The following ZFP90 variants were observed in gnomAD, a reference collection of about 807,000 sequenced individuals.
ZFP90 encodes ZFP90 zinc finger protein, also known as zinc finger protein 90 homolog.
Under a neutral mutation model 60.8 loss-of-function variants are expected in ZFP90, and 38 were observed. The ratio of observed to expected loss-of-function variants is 0.62; its 90% confidence interval spans 0.48 to 0.82. The LOEUF (loss-of-function observed/expected upper bound fraction) is 0.82. Ranked by LOEUF, ZFP90 falls within the 40% of genes least tolerant of loss-of-function variation. The pLI is 0.00. For missense variants in ZFP90, 711 were observed against 759.1 expected, an observed-to-expected ratio of 0.94 and a Z score of 0.74; for synonymous variants, 287 against 264.8, an observed-to-expected ratio of 1.08 and a Z score of -0.82.
intron 2 of ZFP90, chr16:68,557,367 C>A (rs1313571341): frequency 5.7e-5 from 25 of 437,220 alleles, no homozygotes; most frequent in South Asian, 4.1e-4. Flanking sequence ...TCAGTGGGTA[C>A]CTGTGATACA....
intron 4 of ZFP90, among the ~76,000 whole-genome samples, chr16:68,559,197 T>C (rs1463574566): frequency 6.6e-6 from 1 of 152,170 alleles, no homozygotes; most frequent in Non-Finnish European, 1.5e-5. Flanking sequence ...GATTACCTCC[T>C]TAACAGAGTA....
Position 68,565,628 on chromosome 16 carries a change from G to A in ZFP90, c.*930G>A, listed in dbSNP as rs1819237397. ...AAGTCCCCTTATTGTACTTTTTATG[G>A]CATGCCCATGAAAAAGCACTTTCTT... is the stretch of plus-strand genomic sequence containing the variant. On this transcript the variant is annotated 3_prime_UTR_variant, in exon 5 of 5. Transcript: ENST00000563169. 4 of 985,408 alleles carry A rather than the reference G, an allele frequency of 4.1e-6. No homozygotes were observed. The highest frequency in any genetic ancestry group is 3.5e-5 in the African/African-American group (2 of 57,296). 61.0% of individuals were successfully genotyped at this position (985,408 alleles called of 1,614,324 possible).
rs1289550431 is a variant in ZFP90, at chr16:68,564,907, A to G, written c.*209A>G. On this transcript the variant is annotated 3_prime_UTR_variant, in exon 5 of 5. Coordinates refer to ENST00000563169, the MANE Select transcript of ZFP90 (RefSeq NM_001305203.2). ...TACAGACTAGTGTAAAAACAGCTAC[A>G]TGTATGTAGCTGGTTGGGGATGATA... 3.3e-5 allele frequency: 44 copies of G among 1,327,940 alleles called. 1 individual carries two copies. In the South Asian group the frequency reaches 6.1e-4, roughly 18 times the overall value. The allele number at this position is 1,327,940 out of a possible 1,614,324, so 82.3% of individuals were successfully genotyped here.
intron 2 of ZFP90, among the ~76,000 whole-genome samples, chr16:68,546,905 C>G (rs981195205): frequency 2.0e-5 from 3 of 152,210 alleles, no homozygotes; most frequent in African/African-American, 7.2e-5. Context: ...TCAGAACTTT[C>G]TTTTAAAGGC....
chr16:68,542,185 A>G (rs1009736953), intron 2 of ZFP90, among the ~76,000 whole-genome samples: 1 of 152,186 alleles, frequency 6.6e-6, no homozygotes, highest in Non-Finnish European at 1.5e-5. Flanking sequence ...GTAGAGCGCA[A>G]GAGAGCTGGT....
rs34979386 is a variant in ZFP90 at position 68,564,841 on chromosome 16, A to ATT, written c.*154_*155dup. On this transcript the variant is annotated 3_prime_UTR_variant, in exon 5 of 5. Coordinates refer to ENST00000563169, the MANE Select transcript of ZFP90 (RefSeq NM_001305203.2). ...TGTGGAGAAAACTGCCAGTAGACAG[A>ATT]TTTTTTTTTTTTAACATAAAGACAC... 0.19 allele frequency: 224,094 copies of ATT among 1,163,184 alleles called. 46 individuals are homozygous for ATT. Among genetic ancestry groups the ATT allele is most frequent in the East Asian group, 0.24 (7,895 of 33,380 alleles). 72.1% of individuals were successfully genotyped at this position (1,163,184 alleles called of 1,614,324 possible).
At position 68,564,072 on chromosome 16, in the gene ZFP90, A is replaced by T. The variant is rs772259070; in HGVS notation, c.1285A>T (p.Ile429Leu). 5 of 1,614,170 alleles carry T rather than the reference A, an allele frequency of 3.1e-6. No homozygotes were observed. The highest frequency in any genetic ancestry group is 4.2e-6 in the Non-Finnish European group (5 of 1,180,026). ...ACCTTACCAAAGCAGTAACTACAGC[A>T]TAGATTTCAAGCACAGCACATCTCT... is the stretch of plus-strand genomic sequence containing the variant. ...GKPYQSSNYSIDFKHSTSLTQ... is the reference protein window; with the variant it reads ...GKPYQSSNYSLDFKHSTSLTQ... Residue 429 changes from isoleucine to leucine, a missense_variant, in exon 5 of 5, where the codon ATA (isoleucine) becomes TTA (leucine). Coordinates refer to ENST00000563169, the MANE Select transcript of ZFP90 (RefSeq NM_001305203.2).
intron 2 of ZFP90, among the ~76,000 whole-genome samples, chr16:68,544,427 A>AC (rs1354854262): frequency 2.6e-5 from 4 of 152,176 alleles, no homozygotes; most frequent in Admixed American, 6.5e-5. Flanking sequence ...AAACAAACAA[A>AC]AAAACAGAAA....
chr16:68,555,777 C>T (rs1183209808), intron 2 of ZFP90, among the ~76,000 whole-genome samples: 1 of 152,066 alleles, frequency 6.6e-6, no homozygotes, highest in Non-Finnish European at 1.5e-5. Context: ...TAACTGGCAC[C>T]TGAAGTATGA....
chr16:68,560,785 A>G (rs140830521), intron 4 of ZFP90, among the ~76,000 whole-genome samples: 5 of 151,958 alleles, frequency 3.3e-5, no homozygotes, highest in African/African-American at 1.2e-4. Context: ...CCTGGTCTCA[A>G]ACTCCTAGCC....
Position 68,564,933 on chromosome 16 carries a change from T to C in ZFP90, c.*235T>C. 7.9e-7 allele frequency: 1 copy of C among 1,270,700 alleles called. No individual in the cohort carries two copies. Among genetic ancestry groups the C allele is most frequent in the Non-Finnish European group, 9.9e-7 (1 of 1,009,932 alleles). 78.7% of individuals were successfully genotyped at this position (1,270,700 alleles called of 1,614,324 possible). ...TGTATGTAGCTGGTTGGGGATGATA[T>C]GCCTGTATGTTGGACTTTGCTTTTG... On this transcript the variant is annotated 3_prime_UTR_variant, in exon 5 of 5. Transcript: ENST00000563169.
At chr16:68,568,327 C>T (rs1179953460), downstream of ZFP90, among the ~76,000 whole-genome samples, 1 of 152,194 alleles carries the variant, frequency 6.6e-6, no homozygotes, top group Non-Finnish European at 1.5e-5. Context: ...AAAAGATGCT[C>T]AATCTTGAAG....
chr16:68,549,334 C>T (rs2091212285), intron 2 of ZFP90, among the ~76,000 whole-genome samples: 1 of 152,164 alleles, frequency 6.6e-6, no homozygotes, highest in African/African-American at 2.4e-5. Flanking sequence ...CCAGGTGATT[C>T]TGGACACTCT....
downstream of ZFP90, among the ~76,000 whole-genome samples, chr16:68,571,636 A>G (rs1285884287): frequency 5.3e-5 from 8 of 152,146 alleles, no homozygotes; most frequent in Non-Finnish European, 2.9e-5. Flanking sequence ...AAGCCTAAGA[A>G]AGAAGGGAGG....
intron 2 of ZFP90, among the ~76,000 whole-genome samples, chr16:68,548,990 ACTC>A (rs2091205745): frequency 6.6e-6 from 1 of 150,764 alleles, no homozygotes; most frequent in Admixed American, 6.6e-5. Flanking sequence ...CCTCGAAACA[ACTC>A]CTCATTTTCC....
chr16:68,562,944 CA>C, intron 4 of ZFP90, 99 bp from the exon 5 acceptor site: 1 of 1,558,480 alleles, frequency 6.4e-7, no homozygotes, highest in Non-Finnish European at 8.7e-7. Context: ...AATTTCAAAA[CA>C]GAGTCATATG....
chr16:68,538,359 CTG>C (rs1365713691), upstream of ZFP90, among the ~76,000 whole-genome samples: 3 of 152,258 alleles, frequency 2.0e-5, no homozygotes, highest in Non-Finnish European at 2.9e-5. Flanking sequence ...GCCTGAATGT[CTG>C]TGATATATAA....
intron 2 of ZFP90, chr16:68,554,986 G>GC (rs1261226941): frequency 3.3e-5 from 5 of 152,092 alleles, no homozygotes; most frequent in African/African-American, 1.2e-4. Context: ...CTTTATCCTT[G>GC]CTGGCCATGC....
intron 2 of ZFP90, chr16:68,557,300 C>T (rs569017273): frequency 1.1e-5 from 5 of 455,434 alleles, no homozygotes; most frequent in South Asian, 7.7e-5. Flanking sequence ...AGGTGTGAAC[C>T]ACCCGCGTGC....
Sources: allele counts gnomAD v4.1 joint callset (sites outside exome capture counted in the v4.1 genomes callset), GRCh38; gene constraint gnomAD v4.1.1; transcripts MANE v1.5; gene names NCBI Gene and HGNC (gene_info 2026-07-23, HGNC 2026-07-21).